The following AVEN variants were observed in gnomAD, a reference collection of about 807,000 sequenced individuals.
AVEN encodes the protein apoptosis and caspase activation inhibitor.
In AVEN, 41 loss-of-function variants were observed where a neutral mutation model predicts 38.1. The ratio of observed to expected loss-of-function variants is 1.08; its 90% CI spans 0.84 to 1.40. The LOEUF (loss-of-function observed/expected upper bound fraction) is 1.40, where lower values mean the gene tolerates loss of function less well. AVEN is among the 40% of genes most tolerant of loss of function. The pLI is 0.00. For missense variants in AVEN, 605 were observed against 438.8 expected, an observed-to-expected ratio of 1.38 and a Z score of -3.38; for synonymous variants, 206 against 171.8, an observed-to-expected ratio of 1.20 and a Z score of -1.56.
intron 2 of AVEN, among the ~76,000 whole-genome samples, chr15:33,971,664 T>C (rs1895644252): frequency 6.6e-6 from 1 of 152,130 alleles, no homozygotes; most frequent in Non-Finnish European, 1.5e-5. Flanking sequence ...ATGCATTAAA[T>C]ATATATTTAC....
intron 2 of AVEN, among the ~76,000 whole-genome samples, chr15:33,946,117 A>T: frequency 6.6e-6 from 1 of 152,172 alleles, no homozygotes; most frequent in East Asian, 1.9e-4. Context: ...CTTCTGGTTA[A>T]ACAGAGTGGA....
intron 2 of AVEN, among the ~76,000 whole-genome samples, chr15:33,944,741 G>A (rs1250294683): frequency 1.3e-5 from 2 of 151,898 alleles, no homozygotes; most frequent in Admixed American, 6.6e-5. Flanking sequence ...CTCGGGAGGC[G>A]GAACTTGCAG....
intron 2 of AVEN, among the ~76,000 whole-genome samples, chr15:33,905,090 G>A (rs1194524056): frequency 2.1e-5 from 3 of 141,394 alleles, no homozygotes; most frequent in Admixed American, 1.5e-4. Flanking sequence ...AGATTGCGCC[G>A]TCGCACTCCA....
At chr15:33,985,032 A>G (rs560001521) in intron 2 of AVEN, among the ~76,000 whole-genome samples, 5 of 152,206 alleles carry the variant, frequency 3.3e-5, no homozygotes, top group Admixed American at 2.6e-4. Context: ...GTTATCCCAC[A>G]GCATTCTGTA....
At chr15:34,047,747 T>C (rs995379235) in intron 5 of AVEN, among the ~76,000 whole-genome samples, 1 of 129,762 alleles carries the variant, frequency 7.7e-6, no homozygotes, top group Non-Finnish European at 1.6e-5. Flanking sequence ...GCTTGTTTTG[T>C]CTTTGTTTTG....
intron 2 of AVEN, among the ~76,000 whole-genome samples, chr15:33,978,938 G>GT (rs34414090): frequency 0.8 from 121,191 of 151,996 alleles, 54,061 homozygotes; most frequent in Non-Finnish European, 0.98. Context: ...CCAGGCAAAA[G>GT]TAAGGAGTAG....
downstream of AVEN, among the ~76,000 whole-genome samples, chr15:33,862,951 G>A (rs941671756): frequency 2.0e-5 from 3 of 152,154 alleles, no homozygotes; most frequent in African/African-American, 4.8e-5. Flanking sequence ...TAACTTTACT[G>A]TGCCCTTCCT....
intron 1 of AVEN, among the ~76,000 whole-genome samples, chr15:34,027,775 C>A (rs933693246): frequency 2.1e-5 from 3 of 144,080 alleles, no homozygotes; most frequent in South Asian, 4.4e-4. Context: ...AAACAATCAG[C>A]AACAAGGGTT....
chr15:33,956,539 CA>C lies in AVEN; in HGVS notation c.445+46492del, dbSNP rs555837684. On this transcript the variant is annotated intron_variant, in intron 2 of 5. Transcript: ENST00000306730. The stretch of plus-strand genomic sequence containing the variant: ...CAGTTTTAATAGGGTTGTTAAAACA[CA>C]TCATATATATTGGAAACTAGTTCTC... Among the ~76,000 whole-genome samples, 874 of 152,272 alleles carry C rather than the reference CA, an allele frequency of 5.7e-3. 4 individuals carry two copies. Among genetic ancestry groups the C allele is most frequent in the African/African-American group, 0.02 (837 of 41,540 alleles).
intron 1 of AVEN, among the ~76,000 whole-genome samples, chr15:34,007,547 T>G (rs1897410258): frequency 6.6e-6 from 1 of 152,176 alleles, no homozygotes; most frequent in Non-Finnish European, 1.5e-5. Flanking sequence ...AACAGTATCT[T>G]CAAGACAACG....
chr15:33,954,719 G>A (rs2140457429), intron 2 of AVEN, among the ~76,000 whole-genome samples: 1 of 152,090 alleles, frequency 6.6e-6, no homozygotes, highest in Middle Eastern at 3.4e-3. Context: ...GAGTTAATGG[G>A]TGCAGCACAC....
chr15:33,936,078 T>C (rs1023295022), intron 2 of AVEN, among the ~76,000 whole-genome samples: 4 of 151,388 alleles, frequency 2.6e-5, no homozygotes, highest in Non-Finnish European at 4.4e-5. Context: ...GTAACAGCTA[T>C]AAAAACCAAC....
chr15:33,962,874 C>T (rs564478097), intron 2 of AVEN, among the ~76,000 whole-genome samples: 2 of 134,990 alleles, frequency 1.5e-5, no homozygotes, highest in African/African-American at 2.8e-5. Context: ...GAGCCGAGAT[C>T]GCGCCACTGC....
rs372948179 is a variant in AVEN, at chr15:33,947,453, C to T, written c.445+55579G>A. 5.9e-5 allele frequency among the ~76,000 whole-genome samples: 9 copies of T among 152,252 alleles called. No individual in the cohort carries two copies. The East Asian group carries it at 7.7e-4, about 13-fold the overall frequency. ...TAGAAACATCTGTAATACGTAGATG[C>T]GTTTGGGGACCACATCCAGTCATCC... On this transcript the variant is annotated intron_variant, in intron 2 of 5. Transcript: ENST00000306730.
intron 5 of AVEN, among the ~76,000 whole-genome samples, chr15:34,058,146 G>A (rs554082023): frequency 1.3e-5 from 2 of 152,164 alleles, no homozygotes; most frequent in African/African-American, 4.8e-5. Context: ...TCAAATGATC[G>A]AATGAGGCCT....
intron 5 of AVEN, chr15:34,046,577 T>C (rs1279810671): frequency 1.3e-5 from 2 of 152,204 alleles, no homozygotes; most frequent in Non-Finnish European, 2.9e-5. Flanking sequence ...CAACTTAAAA[T>C]ATGGTACATG....
At chr15:34,040,811 G>A (rs1177136250), upstream of AVEN, among the ~76,000 whole-genome samples, 1 of 151,964 alleles carries the variant, frequency 6.6e-6, no homozygotes, top group African/African-American at 2.4e-5. Context: ...CCACTACTTG[G>A]GAGGCTAAGA....
chr15:33,976,603 C>A (rs1895900188), intron 2 of AVEN, among the ~76,000 whole-genome samples: 1 of 152,030 alleles, frequency 6.6e-6, no homozygotes, highest in Non-Finnish European at 1.5e-5. Flanking sequence ...ATTTATATAT[C>A]TTTATTTAGG....
intron 2 of AVEN, among the ~76,000 whole-genome samples, chr15:33,919,315 G>A (rs982170555): frequency 3.9e-5 from 6 of 152,010 alleles, no homozygotes; most frequent in African/African-American, 1.2e-4. Context: ...TTTCAATAAC[G>A]TCTAAAAACA....
Sources: gnomAD v4.1 joint callset for allele counts (sites outside exome capture counted in the v4.1 genomes callset) on GRCh38, gnomAD v4.1.1 for gene constraint, MANE v1.5 for transcripts, NCBI Gene and HGNC (gene_info 2026-07-23, HGNC 2026-07-21) for gene names.